The following BHLHE40 variants were observed in gnomAD, a reference collection of about 807,000 sequenced individuals.
The protein encoded by BHLHE40 is basic helix-loop-helix family member e40, also known as class E basic helix-loop-helix protein 40.
A neutral mutation model predicts 35.7 loss-of-function variants in BHLHE40; 3 were observed. The observed-to-expected ratio is 0.08, with a 90% CI of 0.04 to 0.22. The LOEUF is 0.22. Ranked by LOEUF, BHLHE40 falls within the 10% of genes least tolerant of loss-of-function variation. The probability of loss-of-function intolerance (pLI) is 1.00; values close to 1 mark genes in which losing one functional copy is unlikely to be tolerated. For missense variants in BHLHE40, 486 were observed against 524.0 expected (o/e 0.93, Z 0.71); for synonymous variants, 236 against 213.0 (o/e 1.11, Z -0.94).
At chr3:4,980,207 T>G in intron 2 of BHLHE40, 94 bp from the exon 3 acceptor site, 2 of 1,237,490 alleles carry the variant, frequency 1.6e-6, no homozygotes, top group Non-Finnish European at 2.4e-6. Flanking sequence ...ACTCTGCTAC[T>G]CTGCTCCTCT....
At chr3:4,981,835 G>A (rs1266088750) in intron 4 of BHLHE40, among the ~76,000 whole-genome samples, 1 of 152,226 alleles carries the variant, frequency 6.6e-6, no homozygotes, top group Non-Finnish European at 1.5e-5. Flanking sequence ...GTGTTTTACA[G>A]TTGGTCTTCT....
In BHLHE40 at chr3:4,983,770, C is replaced by T; in HGVS notation, c.*78C>T. 13 of 1,485,364 alleles carry T rather than the reference C, an allele frequency of 8.8e-6. 1 individual carries two copies. In the South Asian group the frequency reaches 1.7e-4, roughly 20 times the overall value. The allele number at this position is 1,485,364 out of a possible 1,614,324, so 92.0% of individuals were successfully genotyped here. On this transcript the variant is annotated 3_prime_UTR_variant, in exon 5 of 5. Transcript: ENST00000256495. The surrounding 1 kb of genome is among the most constrained non-coding windows in gnomAD (Gnocchi z 5.0). ...AGCAACAAAAAAGTTTTTGTGAATG[C>T]TGCAAGATTGTTGCATTGTGTATAC...
At chr3:4,982,160 T>C (rs995337783) in intron 4 of BHLHE40, among the ~76,000 whole-genome samples, 3 of 152,220 alleles carry the variant, frequency 2.0e-5, no homozygotes, top group Non-Finnish European at 2.9e-5. Context: ...CCTCATTTCA[T>C]GCTTGTCTGC....
At chr3:4,980,066 G>T (rs774314807) in intron 2 of BHLHE40, 35 bp downstream of exon 2, 1 of 1,607,542 alleles carries the variant, frequency 6.2e-7, no homozygotes, top group South Asian at 1.1e-5. Context: ...CCTGCGCTCA[G>T]CCCCTCGCGC....
chr3:4,983,341 T>G lies in BHLHE40; in HGVS notation c.888T>G (p.Asp296Glu). The change falls in exon 5 of 5, where the codon GAT becomes GAG. Residue 296 changes from aspartate to glutamate, a missense_variant. Physicochemically the swap from Asp to Glu is conservative, Grantham distance 45 (BLOSUM62 2). Around this residue, in one of 5 missense-constraint regions of BHLHE40, gnomAD observed 206 missense variants for 208.9 expected, o/e 0.99. Transcript: ENST00000256495. The surrounding 1 kb of genome is among the most constrained non-coding windows in gnomAD (Gnocchi z 5.0). ...AAAAGAACCGGATGCAGCTTTCGGA[T>G]GATGAAGGCCATTTCACTAGCAGTG... Reference protein sequence around the residue: ...PTKKNRMQLSDDEGHFTSSDL... With the variant: ...PTKKNRMQLSEDEGHFTSSDL... 6.2e-7 allele frequency: 1 copy of G among 1,614,188 alleles called. No individual in the cohort carries two copies. Among genetic ancestry groups the G allele is most frequent in the Non-Finnish European group, 8.5e-7 (1 of 1,180,026 alleles).
rs1382650985 is a variant in BHLHE40, at chr3:4,979,638, G to A, written c.-81G>A. 57 of 1,413,138 alleles carry A rather than the reference G, an allele frequency of 4.0e-5. No individual in the cohort carries two copies. The South Asian group carries it at 6.2e-4, about 15-fold the overall frequency. 87.5% of individuals were successfully genotyped at this position (1,413,138 alleles called of 1,614,324 possible). On this transcript the variant is annotated 5_prime_UTR_variant, in exon 1 of 5. Transcript: ENST00000256495. ...GAGGAACATCTGCGGAGAGACCCCC[G>A]AAGCCCTCTCCAGGGCAGTCCTCAT... is the stretch of plus-strand genomic sequence containing the variant.
rs2053176429 is a variant in BHLHE40 at position 4,979,950 on chromosome 3, C to G, written c.81-12C>G. On this transcript the variant is annotated splice_polypyrimidine_tract_variant and intron_variant, in intron 1 of 4. Coordinates refer to ENST00000256495, the MANE Select transcript of BHLHE40 (RefSeq NM_003670.3). The stretch of plus-strand genomic sequence containing the variant: ...AAGCAGTCACGACCCTTCCTGGTCT[C>G]TCTTCCTGCAGGATGTACCCTGCCC... 1.2e-6 allele frequency: 2 copies of G among 1,613,996 alleles called. No individual in the cohort carries two copies. Among genetic ancestry groups the G allele is most frequent in the Non-Finnish European group, 1.7e-6 (2 of 1,179,982 alleles).
At chr3:4,980,053 G>A (rs1251677903) in intron 2 of BHLHE40, 22 bp downstream of exon 2, 1 of 1,612,792 alleles carries the variant, frequency 6.2e-7, no homozygotes, top group Non-Finnish European at 8.5e-7. Context: ...CACCCCTAGG[G>A]ACCCTGCGCT....
chr3:4,982,789 G>A (rs1208496572), intron 4 of BHLHE40, 47 bp from the exon 5 acceptor site: 12 of 1,608,450 alleles, frequency 7.5e-6, no homozygotes, highest in African/African-American at 5.4e-5. Context: ...TTCCAGGTGC[G>A]CCACAGGCCT....
rs769134606 is a variant in BHLHE40 at position 4,983,067 on chromosome 3, C to T, written c.614C>T (p.Pro205Leu). The T allele has an allele frequency of 6.2e-6, 10 of 1,614,140 alleles. No homozygotes were observed. The Admixed American group carries it at 1.5e-4, about 24-fold the overall frequency. ...AAAGTGATGGACTTCAAGGAAAAAC[C>T]CAGCTCTCCGGCCAAAGGTTCGGAA... ...APKVMDFKEK[P>L]SSPAKGSEGP... The change falls in exon 5 of 5, where the codon CCC (proline) becomes CTC (leucine). Residue 205 changes from proline to leucine, a missense_variant. Physicochemically the swap from Pro to Leu is moderately conservative, Grantham distance 98. This residue lies in a region of BHLHE40 where 176 missense variants were observed against 180.5 expected (regional missense o/e 0.98). Transcript: ENST00000256495. The surrounding 1 kb of genome is among the most constrained non-coding windows in gnomAD (Gnocchi z 5.0).
Position 4,984,354 on chromosome 3 carries a change from C to T in BHLHE40, c.*662C>T, listed in dbSNP as rs2053228789. On this transcript the variant is annotated 3_prime_UTR_variant, in exon 5 of 5. Transcript: ENST00000256495. ...AAGAGAATGTAGTTCCCTACTCAGGCTTTCGTAGTGATTAGCTTACTAAGG... is the reference window on the plus strand; with the variant it reads ...AAGAGAATGTAGTTCCCTACTCAGGTTTTCGTAGTGATTAGCTTACTAAGG... 6.6e-6 allele frequency: 1 copy of T among 152,246 alleles called. No homozygotes were observed. The highest frequency in any genetic ancestry group is 1.5e-5 in the Non-Finnish European group (1 of 68,124). The allele number at this position is 152,246 out of a possible 1,614,324, so 9.4% of individuals were successfully genotyped here. A position where few individuals can be genotyped will look rare whatever the true frequency, so the allele number is the denominator to read the frequency against.
intron 3 of BHLHE40, 82 bp downstream of exon 3, chr3:4,980,490 G>A: frequency 1.7e-6 from 2 of 1,158,014 alleles, no homozygotes; most frequent in South Asian, 1.3e-5. Flanking sequence ...AGGTTCCGCG[G>A]GGAACTGCAG....
chr3:4,980,232 G>A, intron 2 of BHLHE40, 69 bp from the exon 3 acceptor site: 12 of 1,390,026 alleles, frequency 8.6e-6, no homozygotes, highest in Non-Finnish European at 8.2e-6. Context: ...GACTGTTGCT[G>A]CGGGGCTGGG....
rs759051732 is a variant in BHLHE40, at chr3:4,983,859, T to TGTGC, written c.*168_*169insTGCG. On this transcript the variant is annotated 3_prime_UTR_variant, in exon 5 of 5. Coordinates refer to ENST00000256495, the MANE Select transcript of BHLHE40 (RefSeq NM_003670.3). The surrounding 1 kb of genome is among the most constrained non-coding windows in gnomAD (Gnocchi z 5.0). ...GTGTGTGTGTGTGTGTGTGTGTATG[T>TGTGC]GCGTGTGCGTGCACATGTGTGCCTG... 2.1e-3 allele frequency: 1,965 copies of TGTGC among 942,172 alleles called. 2 individuals carry two copies. Among genetic ancestry groups the TGTGC allele is most frequent in the Admixed American group, 1.4e-3 (49 of 35,262 alleles). 58.4% of individuals were successfully genotyped at this position (942,172 alleles called of 1,614,324 possible).
chr3:4,983,829 GGTGTGT>G lies in BHLHE40; in HGVS notation c.*158_*163del, dbSNP rs56076357. Reference sequence around the variant, plus strand: ...TCTGAGGCATGGAGAGCAGATTCAGGGTGTGTGTGTGTGTGTGTGTGTGTGTATGTG... The same window carrying G: ...TCTGAGGCATGGAGAGCAGATTCAGGGTGTGTGTGTGTGTGTGTGTATGTG... On this transcript the variant is annotated 3_prime_UTR_variant, in exon 5 of 5. Transcript: ENST00000256495. The surrounding 1 kb of genome is among the most constrained non-coding windows in gnomAD (Gnocchi z 5.0). 2.6e-3 allele frequency: 1,789 copies of G among 698,666 alleles called. 10 individuals carry two copies. Among genetic ancestry groups the G allele is most frequent in the African/African-American group, 0.025 (1,390 of 55,298 alleles). 43.3% of individuals were successfully genotyped at this position (698,666 alleles called of 1,614,324 possible). A position where few individuals can be genotyped will look rare whatever the true frequency, so the allele number is the denominator to read the frequency against.
Position 4,979,563 on chromosome 3 carries a change from C to A in BHLHE40, c.-156C>A. ...CACGCCCCCAACTGAAGCTGCATCT[C>A]AAAGCCGAAGATTCCAGCAGCCCAG... is the stretch of plus-strand genomic sequence containing the variant. On this transcript the variant is annotated 5_prime_UTR_variant, in exon 1 of 5. Coordinates refer to ENST00000256495, the MANE Select transcript of BHLHE40 (RefSeq NM_003670.3). 1 of 795,524 alleles carries A rather than the reference C, an allele frequency of 1.3e-6. No homozygotes were observed. The highest frequency in any genetic ancestry group is 2.0e-6 in the Non-Finnish European group (1 of 510,210). The allele number at this position is 795,524 out of a possible 1,614,324, so 49.3% of individuals were successfully genotyped here. A position where few individuals can be genotyped will look rare whatever the true frequency, so the allele number is the denominator to read the frequency against.
Position 4,983,138 on chromosome 3 carries a change from C to T in BHLHE40, c.685C>T (p.His229Tyr). The change falls in exon 5 of 5, where the codon CAC (histidine) becomes TAC (tyrosine). Residue 229 changes from histidine (H) to tyrosine (Y), a missense_variant. Physicochemically the swap from His to Tyr is moderately conservative, Grantham distance 83. This residue lies in a region of BHLHE40 where 176 missense variants were observed against 180.5 expected (regional missense o/e 0.98). Transcript: ENST00000256495. The surrounding 1 kb of genome is among the most constrained non-coding windows in gnomAD (Gnocchi z 5.0). The part of the protein sequence containing the change: ...CVPVIQRTFA[H>Y]SSGEQSGSDT... ...GCCAGTCATCCAGCGGACTTTCGCT[C>T]ACTCGAGTGGGGAGCAGAGCGGCAG... The T allele has an allele frequency of 6.2e-7, 1 of 1,614,110 alleles. No homozygotes were observed. Among genetic ancestry groups the T allele is most frequent in the Non-Finnish European group, 8.5e-7 (1 of 1,179,992 alleles).
intron 3 of BHLHE40, among the ~76,000 whole-genome samples, chr3:4,981,172 T>C (rs111540602): frequency 4.3e-5 from 4 of 94,106 alleles, no homozygotes; most frequent in Admixed American, 1.4e-4. Flanking sequence ...TATATATATA[T>C]ATTATATATA....
intron 3 of BHLHE40, 85 bp from the exon 4 acceptor site, chr3:4,981,303 TTTTC>T: frequency 2.7e-6 from 4 of 1,502,046 alleles, no homozygotes; most frequent in South Asian, 1.3e-5. Context: ...CCACTTTTTT[TTTTC>T]TTTTCTCATT....
Sources: allele counts gnomAD v4.1 joint callset (sites outside exome capture counted in the v4.1 genomes callset), GRCh38; gene constraint gnomAD v4.1.1; regional missense constraint gnomAD v4.1.1; non-coding constraint Gnocchi (gnomAD v3.1); transcripts MANE v1.5; gene names NCBI Gene and HGNC (gene_info 2026-07-23, HGNC 2026-07-21).